FOXN3: variants seen among roughly 807,000 people sequenced by gnomAD.
FOXN3 encodes forkhead box N3, also known as forkhead box protein N3.
Under a neutral mutation model 38.4 loss-of-function variants are expected in FOXN3, and 7 were observed. That is an observed-to-expected ratio of 0.18 (90% CI 0.10 to 0.34). The LOEUF is 0.34. Ranked by LOEUF, FOXN3 falls within the 10% of genes least tolerant of loss-of-function variation. The probability of loss-of-function intolerance (pLI) is 1.00; values close to 1 mark genes in which losing one functional copy is unlikely to be tolerated. For missense variants in FOXN3, 456 were observed against 613.4 expected (o/e 0.74, Z 2.71); for synonymous variants, 230 against 242.2 (o/e 0.95, Z 0.47).
At chr14:89,463,133 CA>C (rs1233100799) in intron 1 of FOXN3, among the ~76,000 whole-genome samples, 1 of 151,022 alleles carries the variant, frequency 6.6e-6, no homozygotes, top group Non-Finnish European at 1.5e-5. Flanking sequence ...ACTAAAAATA[CA>C]AAAAATTAGC....
chr14:89,463,837 T>A (rs114109515), intron 1 of FOXN3, among the ~76,000 whole-genome samples: 2 of 149,406 alleles, frequency 1.3e-5, no homozygotes, highest in Non-Finnish European at 3.0e-5. Flanking sequence ...CAGACTGGAG[T>A]GCAGTGACGC....
At chr14:89,388,390 G>A (rs1301274058) in intron 2 of FOXN3, among the ~76,000 whole-genome samples, 1 of 152,188 alleles carries the variant, frequency 6.6e-6, no homozygotes, top group Non-Finnish European at 1.5e-5. Flanking sequence ...GAGTGGGGCC[G>A]CTGCAAGCAG....
chr14:89,189,879 A>G (rs1887901269), intron 4 of FOXN3, among the ~76,000 whole-genome samples: 1 of 152,222 alleles, frequency 6.6e-6, no homozygotes, highest in Non-Finnish European at 1.5e-5. Context: ...CCAAGCTGGT[A>G]GCGTGGTTTC....
chr14:89,363,955 TATATA>T (rs1404134430), intron 2 of FOXN3, among the ~76,000 whole-genome samples: 1 of 5,432 alleles, frequency 1.8e-4, no homozygotes, highest in African/African-American at 2.1e-4. Flanking sequence ...AAAATATATA[TATATA>T]TATATATATA....
chr14:89,539,415 A>C (rs1319404252), intron 1 of FOXN3, among the ~76,000 whole-genome samples: 10 of 152,252 alleles, frequency 6.6e-5, no homozygotes, highest in Admixed American at 5.2e-4. Context: ...CGGTCCAGTG[A>C]AAATGATACA....
intron 1 of FOXN3, among the ~76,000 whole-genome samples, chr14:89,498,101 G>A (rs1596297869): frequency 6.6e-6 from 1 of 150,824 alleles, no homozygotes; most frequent in Non-Finnish European, 1.5e-5. Context: ...TTTGAGTTAG[G>A]TTGTTCTTTT....
intron 1 of FOXN3, among the ~76,000 whole-genome samples, chr14:89,530,498 A>C (rs116113295): frequency 0.012 from 1,778 of 152,202 alleles, 34 homozygotes; most frequent in African/African-American, 0.04. Flanking sequence ...CTCCCATTAC[A>C]CCTAAGAATT....
intron 4 of FOXN3, among the ~76,000 whole-genome samples, chr14:89,242,313 C>CATATATATATAT (rs35761572): frequency 3.3e-5 from 5 of 150,036 alleles, no homozygotes; most frequent in African/African-American, 9.8e-5. Context: ...TCCCTGCCCT[C>CATATATATATAT]ATATATATAT....
At chr14:89,358,733 G>C (rs1889335673) in intron 2 of FOXN3, among the ~76,000 whole-genome samples, 1 of 152,210 alleles carries the variant, frequency 6.6e-6, no homozygotes, top group African/African-American at 2.4e-5. Flanking sequence ...TTCTAGGCCA[G>C]TACCACCCAT....
chr14:89,226,850 C>G (rs1884656137), intron 4 of FOXN3, among the ~76,000 whole-genome samples: 1 of 152,136 alleles, frequency 6.6e-6, no homozygotes, highest in East Asian at 1.9e-4. Flanking sequence ...AACTCTGTGG[C>G]CACAAGCCAA....
chr14:89,178,485 G>C (rs547747233), intron 5 of FOXN3, among the ~76,000 whole-genome samples: 98 of 152,224 alleles, frequency 6.4e-4, no homozygotes, highest in South Asian at 1.2e-3. Flanking sequence ...TCAATTACTT[G>C]GTGTGGTTTC....
chr14:89,447,474 AT>A (rs1156923607), intron 1 of FOXN3, among the ~76,000 whole-genome samples: 2 of 152,146 alleles, frequency 1.3e-5, no homozygotes, highest in East Asian at 3.9e-4. Flanking sequence ...TCACTCTGAT[AT>A]CCAGCAACCC....
At chr14:89,214,492 G>A (rs928125844) in intron 4 of FOXN3, among the ~76,000 whole-genome samples, 7 of 152,166 alleles carry the variant, frequency 4.6e-5, no homozygotes, top group Admixed American at 1.3e-4. Context: ...CACTCACTCC[G>A]AATCAGGAAC....
At chr14:89,376,713 T>C (rs566698984) in intron 2 of FOXN3, among the ~76,000 whole-genome samples, 1 of 152,028 alleles carries the variant, frequency 6.6e-6, no homozygotes, top group Non-Finnish European at 1.5e-5. Flanking sequence ...GCCTGGCAAT[T>C]GTTTAAATAA....
rs1428347291 is a variant in FOXN3, at chr14:89,158,484, T to G, written c.*3930A>C. On this transcript the variant is annotated 3_prime_UTR_variant, in exon 6 of 6. Coordinates refer to ENST00000557258, the MANE Select transcript of FOXN3 (RefSeq NM_005197.4). ...AGATTGAGACCTGCCACAATCGTTTTGGCCATGGTTTTCTCCAACCACCAG... is the reference window on the plus strand; with the variant it reads ...AGATTGAGACCTGCCACAATCGTTTGGGCCATGGTTTTCTCCAACCACCAG... 2.0e-5 allele frequency: 3 copies of G among 152,688 alleles called. No homozygotes were observed. The highest frequency in any genetic ancestry group is 7.2e-5 in the African/African-American group (3 of 41,478). 9.5% of individuals were successfully genotyped at this position (152,688 alleles called of 1,614,324 possible).
At chr14:89,258,521 C>G (rs1249731011) in intron 4 of FOXN3, among the ~76,000 whole-genome samples, 1 of 152,146 alleles carries the variant, frequency 6.6e-6, no homozygotes, top group Non-Finnish European at 1.5e-5. Flanking sequence ...ACACAACAGG[C>G]CAGGTTAATA....
intron 5 of FOXN3, among the ~76,000 whole-genome samples, chr14:89,168,959 C>T (rs561287587): frequency 1.3e-5 from 2 of 152,220 alleles, no homozygotes; most frequent in South Asian, 2.1e-4. Context: ...AAATAACTGT[C>T]GATCTAGAAT....
Position 89,412,549 on chromosome 14 carries a change from C to T in FOXN3, c.-14-59G>A, listed in dbSNP as rs1891570762. 5 of 1,412,190 alleles carry T rather than the reference C, an allele frequency of 3.5e-6. No individual in the cohort carries two copies. The highest frequency in any genetic ancestry group is 4.8e-6 in the Non-Finnish European group (5 of 1,040,512). The allele number at this position is 1,412,190 out of a possible 1,614,324, so 87.5% of individuals were successfully genotyped here. A position where few individuals can be genotyped will look rare whatever the true frequency, so the allele number is the denominator to read the frequency against. ...GCGAGGCCCAAAACAGAAAGGCAGA[C>T]TGTACCCCTCTGATCCTGTTGCCTC... On this transcript the variant is annotated intron_variant, in intron 1 of 5. Transcript: ENST00000557258. The surrounding 1 kb of genome is among the most constrained non-coding windows in gnomAD (Gnocchi z 4.7).
intron 1 of FOXN3, among the ~76,000 whole-genome samples, chr14:89,553,065 C>T (rs1895038681): frequency 6.6e-6 from 1 of 151,628 alleles, no homozygotes; most frequent in East Asian, 1.9e-4. Flanking sequence ...ATGGCGAAAC[C>T]TCGTCTCTAC....
Sources: gnomAD v4.1 joint callset for allele counts (sites outside exome capture counted in the v4.1 genomes callset) on GRCh38, gnomAD v4.1.1 for gene constraint, Gnocchi (gnomAD v3.1) non-coding constraint, MANE v1.5 for transcripts, NCBI Gene and HGNC (gene_info 2026-07-23, HGNC 2026-07-21) for gene names.